WASF3: variants seen among roughly 807,000 people sequenced by gnomAD.
WASF3 encodes the protein WASP family member 3, also known as actin-binding protein WASF3.
A neutral mutation model predicts 46.6 loss-of-function variants in WASF3; 11 were observed. The observed-to-expected ratio is 0.24, with a 90% CI of 0.15 to 0.39. The LOEUF is 0.39. WASF3 is among the 10% of genes least tolerant of loss of function. WASF3 has a pLI of 1.00. For missense variants in WASF3, 576 were observed against 669.8 expected (o/e 0.86, Z 1.55); for synonymous variants, 242 against 259.7 (o/e 0.93, Z 0.65).
chr13:26,623,168 AG>A (rs1050612586), intron 2 of WASF3, among the ~76,000 whole-genome samples: 2 of 152,228 alleles, frequency 1.3e-5, no homozygotes, highest in Non-Finnish European at 2.9e-5. Flanking sequence ...CAGGTACCCC[AG>A]ATACAAGGGG....
At position 26,602,125 on chromosome 13, in the gene WASF3, T is replaced by G. The variant is rs771794193; in HGVS notation, c.-108-10836T>G. Among the ~76,000 whole-genome samples the G allele has an allele frequency of 3.7e-4, 56 of 152,328 alleles. 1 individual carries two copies. Among genetic ancestry groups the G allele is most frequent in the Admixed American group, 6.5e-5 (1 of 15,302 alleles). On this transcript the variant is annotated intron_variant, in intron 1 of 9. Transcript: ENST00000335327. ...GGGGAGCTTGAGACTCAAACAGTAC[T>G]AACTCTTCCAAGGTCCAGAGCTTTT...
At chr13:26,651,246 TG>T (rs1185667841) in intron 3 of WASF3, among the ~76,000 whole-genome samples, 1 of 152,054 alleles carries the variant, frequency 6.6e-6, no homozygotes, top group Non-Finnish European at 1.5e-5. Context: ...GGCTTGATCC[TG>T]GTGGCAGAAG....
intron 1 of WASF3, among the ~76,000 whole-genome samples, chr13:26,571,353 C>T (rs530703785): frequency 1.6e-4 from 25 of 152,148 alleles, no homozygotes; most frequent in Non-Finnish European, 2.8e-4. Context: ...ATATTTTATT[C>T]TAGTACTTGA....
intron 3 of WASF3, among the ~76,000 whole-genome samples, chr13:26,663,323 G>A (rs577002952): frequency 9.8e-5 from 15 of 152,346 alleles, no homozygotes; most frequent in African/African-American, 3.1e-4. Context: ...CTGGAGCTCA[G>A]GAAGGTGTTC....
In WASF3 at chr13:26,590,295, A is replaced by G. The variant is rs547329565; in HGVS notation, c.-108-22666A>G. 2.6e-5 allele frequency among the ~76,000 whole-genome samples: 4 copies of G among 152,322 alleles called. No individual in the cohort carries two copies. The South Asian group carries it at 8.3e-4, about 32-fold the overall frequency. On this transcript the variant is annotated intron_variant, in intron 1 of 9. Transcript: ENST00000335327. ...TTGTGGTATTTTTAGTTATTTCTGT[A>G]CTAATAAGATTGCCACCTCTTAACT...
the WASF3 span, among the ~76,000 whole-genome samples, chr13:26,540,979 C>T: frequency 1.3e-5 from 2 of 152,050 alleles, no homozygotes; most frequent in South Asian, 2.1e-4. Flanking sequence ...TGGAAAGATA[C>T]TCAGTGATAC....
intron 5 of WASF3, 76 bp downstream of exon 5, chr13:26,667,746 A>AT: frequency 7.0e-7 from 1 of 1,427,992 alleles, no homozygotes; most frequent in Middle Eastern, 1.8e-4. Context: ...AAGCTGATGC[A>AT]TTGTGTGGGA....
intron 1 of WASF3, chr13:26,576,923 G>T: frequency 1.3e-6 from 1 of 776,354 alleles, no homozygotes; most frequent in Non-Finnish European, 2.2e-6. Context: ...ACGAAAGGAG[G>T]CAAAAAGGGA....
chr13:26,555,910 T>C (rs1403237932), upstream of WASF3, among the ~76,000 whole-genome samples: 1 of 152,224 alleles, frequency 6.6e-6, no homozygotes, highest in Non-Finnish European at 1.5e-5. Context: ...TCTAATCCTC[T>C]AACAAGACTG....
At position 26,592,593 on chromosome 13, in the gene WASF3, C is replaced by T. The variant is rs561427313; in HGVS notation, c.-108-20368C>T. Among the ~76,000 whole-genome samples the T allele has an allele frequency of 1.6e-3, 238 of 152,112 alleles. 1 individual carries two copies. The South Asian group carries it at 0.016, about 10-fold the overall frequency. The stretch of plus-strand genomic sequence containing the variant: ...GTCTCTTCTTCTAAGGCCATAGGTC[C>T]CATAGGATCCAGCTCCCACCCTATG... On this transcript the variant is annotated intron_variant, in intron 1 of 9. Coordinates refer to ENST00000335327, the MANE Select transcript of WASF3 (RefSeq NM_006646.6).
intron 2 of WASF3, among the ~76,000 whole-genome samples, chr13:26,636,506 A>C (rs998447599): frequency 2.6e-5 from 4 of 152,142 alleles, no homozygotes; most frequent in African/African-American, 9.7e-5. Flanking sequence ...CTCGCCCTCC[A>C]TGGGCTGCAC....
intron 1 of WASF3, among the ~76,000 whole-genome samples, chr13:26,588,058 A>C (rs1225784302): frequency 6.6e-6 from 1 of 152,216 alleles, no homozygotes; most frequent in African/African-American, 2.4e-5. Flanking sequence ...CAAGGTTTGG[A>C]ATTGGTTGAC....
At chr13:26,616,645 A>G (rs1460637368) in intron 2 of WASF3, among the ~76,000 whole-genome samples, 5 of 152,150 alleles carry the variant, frequency 3.3e-5, no homozygotes, top group Admixed American at 2.6e-4. Flanking sequence ...CCATAAAAGT[A>G]GTTACTCTTT....
In WASF3 at chr13:26,632,385, CTG is replaced by C. The variant is rs568844660; in HGVS notation, c.-10-9874_-10-9873del. 5.3e-5 allele frequency among the ~76,000 whole-genome samples: 8 copies of C among 152,212 alleles called. No homozygotes were observed. The South Asian group carries it at 1.7e-3, about 32-fold the overall frequency. On this transcript the variant is annotated intron_variant, in intron 2 of 9. Transcript: ENST00000335327. ...TATTGAGAGTTTTTAGCACAAAGGA[CTG>C]TTGAATTTTGTCAAAGGCCTTTCCT... is the stretch of plus-strand genomic sequence containing the variant.
intron 1 of WASF3, among the ~76,000 whole-genome samples, chr13:26,559,990 G>T (rs1362617500): frequency 6.6e-6 from 1 of 151,248 alleles, no homozygotes; most frequent in Non-Finnish European, 1.5e-5. Context: ...GCTAATTTTT[G>T]TACTTTTAGT....
chr13:26,568,336 G>A (rs1429701562), intron 1 of WASF3, among the ~76,000 whole-genome samples: 1 of 152,100 alleles, frequency 6.6e-6, no homozygotes, highest in African/African-American at 2.4e-5. Context: ...ATGAATCAGT[G>A]GTTCCTGCCT....
At chr13:26,653,230 A>G (rs901670531) in intron 3 of WASF3, among the ~76,000 whole-genome samples, 1 of 152,132 alleles carries the variant, frequency 6.6e-6, no homozygotes, top group Non-Finnish European at 1.5e-5. Flanking sequence ...TCCAGGATAC[A>G]TGTACCTTCT....
chr13:26,614,445 T>A (rs2137228445), intron 2 of WASF3, among the ~76,000 whole-genome samples: 1 of 152,288 alleles, frequency 6.6e-6, no homozygotes, highest in African/African-American at 2.4e-5. Context: ...GCAAAATACT[T>A]TGAATTGAAT....
At position 26,652,803 on chromosome 13, in the gene WASF3, A is replaced by G. The variant is rs568551209; in HGVS notation, c.133+10400A>G. Among the ~76,000 whole-genome samples, 67 of 152,332 alleles carry G rather than the reference A, an allele frequency of 4.4e-4. No individual in the cohort carries two copies. The Middle Eastern group carries it at 0.01, about 23-fold the overall frequency. On this transcript the variant is annotated intron_variant, in intron 3 of 9. Coordinates refer to ENST00000335327, the MANE Select transcript of WASF3 (RefSeq NM_006646.6). ...CATGTGGTAGTGAACACAAAATGCCATTGTATTTGTGGGATTTTGTTAAAG... is the reference window on the plus strand; with the variant it reads ...CATGTGGTAGTGAACACAAAATGCCGTTGTATTTGTGGGATTTTGTTAAAG...
Sources: gnomAD v4.1 joint callset for allele counts (sites outside exome capture counted in the v4.1 genomes callset) on GRCh38, gnomAD v4.1.1 for gene constraint, MANE v1.5 for transcripts, NCBI Gene and HGNC (gene_info 2026-07-23, HGNC 2026-07-21) for gene names.